Variants in MCTP1 observed in about 807,000 individuals in gnomAD.
MCTP1 encodes the protein multiple C2 and transmembrane domain containing 1.
Under a neutral mutation model 120.6 loss-of-function variants are expected in MCTP1, and 69 were observed. The ratio of observed to expected loss-of-function variants is 0.57; its 90% CI spans 0.47 to 0.70. The LOEUF (loss-of-function observed/expected upper bound fraction) is 0.70, where lower values mean the gene tolerates loss of function less well. MCTP1 is among the 30% of genes least tolerant of loss of function. The pLI, the probability that MCTP1 is intolerant of heterozygous loss-of-function variation, is 0.00. For synonymous variants in MCTP1, 529 were observed against 493.1 expected (o/e 1.07, Z -0.96); for missense variants, 1,203 against 1,248.8 (o/e 0.96, Z 0.55).
At chr5:94,882,526 G>A (rs1161075402) in intron 12 of MCTP1, among the ~76,000 whole-genome samples, 1 of 131,244 alleles carries the variant, frequency 7.6e-6, no homozygotes, top group Non-Finnish European at 1.7e-5. Context: ...CAATTATGTT[G>A]CAATGTAACA....
intron 1 of MCTP1, among the ~76,000 whole-genome samples, chr5:95,151,130 C>CATATATATATATATATATATATATATAT (rs3037035): frequency 4.8e-5 from 6 of 125,954 alleles, no homozygotes; most frequent in South Asian, 3.1e-4. Context: ...ACGCCTGGCT[C>CATATATATATATATATATATATATATAT]ATATATATAT....
chr5:95,138,558 G>A (rs547088773), intron 1 of MCTP1, among the ~76,000 whole-genome samples: 1 of 152,128 alleles, frequency 6.6e-6, no homozygotes, highest in African/African-American at 2.4e-5. Context: ...TTAAAGAGAG[G>A]TTTCCTGGAA....
chr5:94,869,691 C>T (rs1392287047), intron 16 of MCTP1, among the ~76,000 whole-genome samples: 1 of 151,940 alleles, frequency 6.6e-6, no homozygotes, highest in Admixed American at 6.6e-5. Flanking sequence ...AACATTTTAG[C>T]TGTAACAAAT....
rs550069631 is a variant in MCTP1, at chr5:95,134,114, T to G, written c.721-116630A>C. On this transcript the variant is annotated intron_variant, in intron 1 of 22. Transcript: ENST00000515393. Reference sequence around the variant, plus strand: ...ATCTTCATGTTTTAATACCATAGGATGCTTCAAATCTATTCTATAAATAGG... The same window carrying G: ...ATCTTCATGTTTTAATACCATAGGAGGCTTCAAATCTATTCTATAAATAGG... Among the ~76,000 whole-genome samples, 173 of 152,330 alleles carry G rather than the reference T, an allele frequency of 1.1e-3. 1 individual carries two copies. Among genetic ancestry groups the G allele is most frequent in the Admixed American group, 5.6e-3 (86 of 15,302 alleles).
chr5:94,848,637 A>T (rs1793013632), intron 17 of MCTP1, among the ~76,000 whole-genome samples: 1 of 152,100 alleles, frequency 6.6e-6, no homozygotes, highest in South Asian at 2.1e-4. Context: ...AATTAATTTC[A>T]AATTTCAGAA....
intron 1 of MCTP1, among the ~76,000 whole-genome samples, chr5:95,212,689 G>A (rs1391337301): frequency 1.3e-5 from 2 of 151,420 alleles, no homozygotes; most frequent in Admixed American, 1.3e-4. Context: ...TTCATCCCTG[G>A]GATGCAAGGC....
At chr5:94,819,286 C>A (rs374622995) in intron 17 of MCTP1, among the ~76,000 whole-genome samples, 1 of 151,948 alleles carries the variant, frequency 6.6e-6, no homozygotes, top group African/African-American at 2.4e-5. Context: ...TGTGCCACCA[C>A]ACATGGCTAC....
At chr5:95,136,110 T>G (rs1759428624) in intron 1 of MCTP1, among the ~76,000 whole-genome samples, 2 of 152,158 alleles carry the variant, frequency 1.3e-5, no homozygotes, top group Non-Finnish European at 2.9e-5. Flanking sequence ...AGCACTTGCT[T>G]CTCCTCATGT....
chr5:95,243,513 A>G (rs1756402761), intron 1 of MCTP1, among the ~76,000 whole-genome samples: 1 of 152,236 alleles, frequency 6.6e-6, no homozygotes, highest in Admixed American at 6.5e-5. Flanking sequence ...GAGCCAGACC[A>G]CAAAGGGTCT....
chr5:95,138,315 A>G (rs1052390610), intron 1 of MCTP1, among the ~76,000 whole-genome samples: 32 of 150,512 alleles, frequency 2.1e-4, no homozygotes, highest in Admixed American at 1.9e-3. Flanking sequence ...GCCACTTTTT[A>G]GATGAGAAAA....
At chr5:95,017,793 A>G (rs1562024273) in intron 1 of MCTP1, among the ~76,000 whole-genome samples, 1 of 152,142 alleles carries the variant, frequency 6.6e-6, no homozygotes. Context: ...ATGAACATAG[A>G]AATACTGTCT....
At chr5:95,110,685 G>A (rs1035734424) in intron 1 of MCTP1, among the ~76,000 whole-genome samples, 3 of 152,044 alleles carry the variant, frequency 2.0e-5, no homozygotes, top group Admixed American at 6.6e-5. Context: ...ATGTGGCATC[G>A]AGTATACCAA....
At chr5:94,789,653 C>CTGGGACTATCTAAATGTCTTT (rs1217481663) in intron 18 of MCTP1, 1 of 152,164 alleles carries the variant, frequency 6.6e-6, no homozygotes, top group African/African-American at 2.4e-5. Flanking sequence ...ACACATATAT[C>CTGGGACTATCTAAATGTCTTT]TGGGACTATC....
rs1206794155 is a variant in MCTP1, at chr5:95,221,862, G to A, written c.720+61994C>T. ...GAAGTCCAACACATGAAATCTTACT[G>A]GAAAACAGTCTTTCAATGCTGTTGT... On this transcript the variant is annotated intron_variant, in intron 1 of 22. Coordinates refer to ENST00000515393, the MANE Select transcript of MCTP1 (RefSeq NM_024717.7). 2.6e-5 allele frequency among the ~76,000 whole-genome samples: 4 copies of A among 152,214 alleles called. No homozygotes were observed. The East Asian group carries it at 7.7e-4, about 29-fold the overall frequency.
chr5:95,260,734 G>T (rs549444789), intron 1 of MCTP1, among the ~76,000 whole-genome samples: 1 of 152,196 alleles, frequency 6.6e-6, no homozygotes, highest in East Asian at 1.9e-4. Flanking sequence ...GATAAAGGCT[G>T]TCTACCCTTA....
chr5:95,217,105 G>T (rs532290345), intron 1 of MCTP1, among the ~76,000 whole-genome samples: 31 of 152,274 alleles, frequency 2.0e-4, no homozygotes, highest in Middle Eastern at 6.8e-3. Flanking sequence ...TAAGATTACA[G>T]ATGTATGATT....
At chr5:95,102,964 C>G (rs138915857) in intron 1 of MCTP1, among the ~76,000 whole-genome samples, 1 of 152,298 alleles carries the variant, frequency 6.6e-6, no homozygotes, top group African/African-American at 2.4e-5. Context: ...AACCACTTCT[C>G]TAAGTCTTAG....
At chr5:95,011,256 A>G (rs561369705) in intron 2 of MCTP1, among the ~76,000 whole-genome samples, 16 of 152,128 alleles carry the variant, frequency 1.1e-4, no homozygotes, top group Non-Finnish European at 1.2e-4. Flanking sequence ...TACTATTGTT[A>G]CTGGGGTGTT....
In MCTP1 at chr5:94,703,992, A is replaced by AAAAAG. The variant is rs928329489; in HGVS notation, c.*3499_*3503dup. ...CAGAGGGTAACATTTTCACCAAAAA[A>AAAAAG]AAAAGAAAAAAAAATGTTTTGTTTT... On this transcript the variant is annotated 3_prime_UTR_variant, in exon 23 of 23. Coordinates refer to ENST00000515393, the MANE Select transcript of MCTP1 (RefSeq NM_024717.7). 10 of 117,764 alleles carry AAAAAG rather than the reference A, an allele frequency of 8.5e-5. No homozygotes were observed. Among genetic ancestry groups the AAAAAG allele is most frequent in the African/African-American group, 3.2e-4 (10 of 30,966 alleles). The allele number at this position is 117,764 out of a possible 1,614,324, so 7.3% of individuals were successfully genotyped here.
Sources: gnomAD v4.1 joint callset for allele counts (sites outside exome capture counted in the v4.1 genomes callset) on GRCh38, gnomAD v4.1.1 for gene constraint, MANE v1.5 for transcripts, NCBI Gene and HGNC (gene_info 2026-07-23, HGNC 2026-07-21) for gene names.